OPHN1: variants seen among roughly 807,000 people sequenced by gnomAD.
OPHN1 encodes the protein oligophrenin 1.
A neutral mutation model predicts 60.7 loss-of-function variants in OPHN1; 11 were observed. That is an observed-to-expected ratio of 0.18 (90% CI 0.11 to 0.30). The LOEUF is 0.30. Ranked by LOEUF, OPHN1 falls within the 10% of genes least tolerant of loss-of-function variation. OPHN1 has a pLI of 1.00. For synonymous variants in OPHN1, 226 were observed against 222.6 expected (o/e 1.02, Z -0.14); for missense variants, 449 against 611.0 (o/e 0.73, Z 2.80).
At chrX:68,127,286 G>C (rs1468284652) in intron 15 of OPHN1, among the ~76,000 whole-genome samples, 1 of 111,936 alleles carries the variant, frequency 8.9e-6, no homozygotes, top group East Asian at 2.8e-4. Flanking sequence ...GCTGATATAA[G>C]GTGACAATGT....
intron 9 of OPHN1, 161 bp downstream of exon 9, chrX:68,209,992 C>CTTTTTTTTTTTTTTTTTTTT: frequency 8.9e-6 from 4 of 447,204 alleles, no homozygotes; most frequent in Non-Finnish European, 1.5e-5. Context: ...TCAGTTTCTC[C>CTTTTTTTTTTTTTTTTTTTT]TTTTTTTTTT....
At chrX:68,381,524 A>T (rs1003429853) in intron 2 of OPHN1, among the ~76,000 whole-genome samples, 5 of 111,003 alleles carry the variant, frequency 4.5e-5, no homozygotes, top group African/African-American at 1.6e-4. Flanking sequence ...ACCATCTCCA[A>T]CCTATTTCAA....
intron 15 of OPHN1, among the ~76,000 whole-genome samples, chrX:68,145,463 A>G (rs1488438610): frequency 1.8e-5 from 2 of 112,059 alleles, no homozygotes; most frequent in African/African-American, 6.5e-5. Context: ...TTAAGTCTGC[A>G]GACATGTTTT....
At chrX:68,363,783 G>C (rs2078485487) in intron 2 of OPHN1, among the ~76,000 whole-genome samples, 1 of 110,834 alleles carries the variant, frequency 9.0e-6, no homozygotes, top group Non-Finnish European at 1.9e-5. Context: ...ATATATATGG[G>C]TATAATGACA....
intron 18 of OPHN1, among the ~76,000 whole-genome samples, chrX:68,107,078 A>T (rs918553099): frequency 8.9e-6 from 1 of 111,978 alleles, no homozygotes; most frequent in Non-Finnish European, 1.9e-5. Context: ...TTCAGCATTC[A>T]TCATCAAAGA....
intron 19 of OPHN1, among the ~76,000 whole-genome samples, chrX:68,080,297 A>G (rs374350420): frequency 1.8e-5 from 2 of 112,304 alleles, no homozygotes; most frequent in African/African-American, 6.5e-5. Flanking sequence ...TTAGTTATTT[A>G]GTTCTTTGGT....
intron 23 of OPHN1, among the ~76,000 whole-genome samples, chrX:68,049,662 A>G (rs956007467): frequency 1.8e-5 from 2 of 111,668 alleles, no homozygotes; most frequent in Non-Finnish European, 3.8e-5. Flanking sequence ...CATTCTTGAA[A>G]TTCTTCCCCC....
chrX:68,340,931 G>A (rs999318122), intron 2 of OPHN1, among the ~76,000 whole-genome samples: 50 of 105,930 alleles, frequency 4.7e-4, no homozygotes, highest in Admixed American at 1.5e-3. Context: ...GCTTGAACCC[G>A]GGAGGTGGAG....
At chrX:68,112,458 T>C (rs1356543104) in intron 17 of OPHN1, 2 of 116,012 alleles carry the variant, frequency 1.7e-5, no homozygotes, top group African/African-American at 6.5e-5. Flanking sequence ...CTGCTGCCTC[T>C]GGATTCCTGT....
At chrX:68,182,197 T>TTG (rs1555950148) in intron 15 of OPHN1, among the ~76,000 whole-genome samples, 3 of 97,692 alleles carry the variant, frequency 3.1e-5, no homozygotes, top group African/African-American at 7.5e-5. Context: ...AGTTTTTTTT[T>TTG]TTTTTTTTTT....
intron 3 of OPHN1, 129 bp downstream of exon 3, chrX:68,298,872 T>G (rs1341342252): frequency 2.4e-6 from 1 of 425,062 alleles, no homozygotes; most frequent in East Asian, 5.1e-5. Context: ...CTAATCAACC[T>G]CCCAGGGCCT....
intron 21 of OPHN1, among the ~76,000 whole-genome samples, chrX:68,056,920 A>G (rs2076875362): frequency 8.9e-6 from 1 of 111,850 alleles, no homozygotes; most frequent in Admixed American, 9.5e-5. Flanking sequence ...TAATGGTAAT[A>G]CAATAGTACT....
chrX:68,320,087 C>T (rs1478844009), intron 2 of OPHN1, among the ~76,000 whole-genome samples: 1 of 111,398 alleles, frequency 9.0e-6, no homozygotes, highest in Admixed American at 9.6e-5. Flanking sequence ...CAGTGGCTCA[C>T]ACCTGTAATC....
Position 68,064,170 on chromosome X carries a change from G to T in OPHN1, c.1842C>A (p.Ile614=). 8.3e-7 allele frequency: 1 copy of T among 1,210,867 alleles called. No individual in the cohort carries two copies. The change falls in exon 21 of 25, where the codon ATC becomes ATA. Residue 614 remains isoleucine, a synonymous_variant. Coordinates refer to ENST00000355520, the MANE Select transcript of OPHN1 (RefSeq NM_002547.3). The part of the protein sequence containing the change: ...TSSLDESEDE[I]QHQTPNGTIT... ...TAGTACCATTCGGTGTTTGATGTTGGATTTCATCTAGGAAAAGTTGGTGCC... is the reference window on the plus strand; with the variant it reads ...TAGTACCATTCGGTGTTTGATGTTGTATTTCATCTAGGAAAAGTTGGTGCC...
intron 6 of OPHN1, among the ~76,000 whole-genome samples, chrX:68,227,348 C>T (rs2077700425): frequency 1.8e-5 from 2 of 110,685 alleles, no homozygotes; most frequent in South Asian, 4.0e-4. Flanking sequence ...AACAGATCAA[C>T]GAGACAGAAA....
At chrX:68,108,195 C>A (rs2077089475) in intron 18 of OPHN1, among the ~76,000 whole-genome samples, 2 of 112,319 alleles carry the variant, frequency 1.8e-5, no homozygotes, top group African/African-American at 6.5e-5. Flanking sequence ...GGACATGACA[C>A]TATTAGTGTG....
intron 2 of OPHN1, among the ~76,000 whole-genome samples, chrX:68,384,360 AG>A (rs1352976814): frequency 8.9e-6 from 1 of 111,879 alleles, no homozygotes; most frequent in Admixed American, 9.5e-5. Context: ...CTAGTCAAAA[AG>A]CTCTAAGGGC....
Position 68,114,710 on chromosome X carries a change from G to A in OPHN1, c.1362-1471C>T, listed in dbSNP as rs1438169383. ...AGCCTGAGAGAGAGAAGGGTGTGGCGGGAGGGCAAGCCTGCAATGAGTCAT... is the reference window on the plus strand; with the variant it reads ...AGCCTGAGAGAGAGAAGGGTGTGGCAGGAGGGCAAGCCTGCAATGAGTCAT... On this transcript the variant is annotated intron_variant, in intron 16 of 24. Transcript: ENST00000355520. Among the ~76,000 whole-genome samples, 5 of 111,142 alleles carry A rather than the reference G, an allele frequency of 4.5e-5. No individual in the cohort carries two copies. In the East Asian group the frequency reaches 1.4e-3, roughly 32 times the overall value.
At chrX:68,428,288 A>G (rs892592028) in intron 2 of OPHN1, among the ~76,000 whole-genome samples, 2 of 111,963 alleles carry the variant, frequency 1.8e-5, no homozygotes, top group African/African-American at 6.5e-5. Flanking sequence ...CTGTTACAAG[A>G]TGTAATGCCT....
Sources: gnomAD v4.1 joint callset for allele counts (sites outside exome capture counted in the v4.1 genomes callset) on GRCh38, gnomAD v4.1.1 for gene constraint, MANE v1.5 for transcripts, NCBI Gene and HGNC (gene_info 2026-07-23, HGNC 2026-07-21) for gene names.